Variants in LPXN observed in about 807,000 individuals in gnomAD.
LPXN encodes the protein leupaxin.
Under a neutral mutation model 45.6 loss-of-function variants are expected in LPXN, and 28 were observed. The ratio of observed to expected loss-of-function variants is 0.61; its 90% CI spans 0.45 to 0.84. The LOEUF (loss-of-function observed/expected upper bound fraction) is 0.84. Ranked by LOEUF, LPXN falls within the 40% of genes least tolerant of loss-of-function variation. The probability of loss-of-function intolerance (pLI) is 0.00; values close to 1 mark genes in which losing one functional copy is unlikely to be tolerated. For synonymous variants in LPXN, 166 were observed against 169.9 expected (o/e 0.98, Z 0.18); for missense variants, 459 against 475.0 (o/e 0.97, Z 0.31).
chr11:58,556,249 TTAATA>T (rs776200717), intron 3 of LPXN, among the ~76,000 whole-genome samples: 1 of 151,970 alleles, frequency 6.6e-6, no homozygotes, highest in Non-Finnish European at 1.5e-5. Context: ...AGGAAAAAGA[TTAATA>T]TAATTCATTA....
chr11:58,560,231 A>G lies in LPXN; in HGVS notation c.218+3924T>C, dbSNP rs79320653. Reference sequence around the variant, plus strand: ...GGAGGTGTCAGATGAGACATCAGTAATGCAATTCACCTGTATATCTCAGTT... The same window carrying G: ...GGAGGTGTCAGATGAGACATCAGTAGTGCAATTCACCTGTATATCTCAGTT... On this transcript the variant is annotated intron_variant, in intron 3 of 8. Transcript: ENST00000395074. Among the ~76,000 whole-genome samples the G allele has an allele frequency of 7.2e-5, 11 of 152,344 alleles. No homozygotes were observed. In the East Asian group the frequency reaches 1.7e-3, roughly 24 times the overall value.
intron 1 of LPXN, among the ~76,000 whole-genome samples, chr11:58,575,375 CTT>C (rs1854851923): frequency 6.6e-6 from 1 of 152,084 alleles, no homozygotes; most frequent in Admixed American, 6.5e-5. Context: ...CCTTTTTGCT[CTT>C]TCTTTTCCTC....
chr11:58,554,460 A>C (rs1854143334), intron 4 of LPXN, among the ~76,000 whole-genome samples: 1 of 152,154 alleles, frequency 6.6e-6, no homozygotes, highest in African/African-American at 2.4e-5. Flanking sequence ...TTCAGAGTCC[A>C]TCCCAAGTTT....
intron 3 of LPXN, among the ~76,000 whole-genome samples, chr11:58,559,390 G>A (rs1199317636): frequency 6.6e-6 from 1 of 151,980 alleles, no homozygotes; most frequent in Non-Finnish European, 1.5e-5. Flanking sequence ...ATATGTGCAA[G>A]GACATTTATT....
In LPXN at chr11:58,527,290, C is replaced by T. The variant is rs1565180724; in HGVS notation, c.*164G>A. On this transcript the variant is annotated 3_prime_UTR_variant, in exon 9 of 9. Coordinates refer to ENST00000395074, the MANE Select transcript of LPXN (RefSeq NM_004811.3). The stretch of plus-strand genomic sequence containing the variant: ...ATAGAAGCCTAAAAAATAAGATTAT[C>T]AGCCTAGTCATGTAAAGTCTAGAAG... 5 of 640,912 alleles carry T rather than the reference C, an allele frequency of 7.8e-6. No homozygotes were observed. Among genetic ancestry groups the T allele is most frequent in the Non-Finnish European group, 1.3e-5 (5 of 374,170 alleles). The allele number at this position is 640,912 out of a possible 1,614,324, so 39.7% of individuals were successfully genotyped here.
chr11:58,550,235 T>C (rs1565194165), intron 5 of LPXN, 89 bp from the exon 6 acceptor site: 2 of 1,201,468 alleles, frequency 1.7e-6, no homozygotes, highest in South Asian at 1.3e-5. Flanking sequence ...ACTCTTCACA[T>C]TGTACCCCTT....
chr11:58,577,875 G>C (rs1854951548), upstream of LPXN: 1 of 980,554 alleles, frequency 1.0e-6, no homozygotes, highest in Non-Finnish European at 1.4e-6. Flanking sequence ...TAGTAGAAAA[G>C]CAACTTTATA....
In LPXN at chr11:58,538,481, G is replaced by A. The variant is rs1853621430; in HGVS notation, c.743-10290C>T. 3.9e-5 allele frequency among the ~76,000 whole-genome samples: 6 copies of A among 152,118 alleles called. No homozygotes were observed. In the South Asian group the frequency reaches 1.2e-3, roughly 32 times the overall value. On this transcript the variant is annotated intron_variant, in intron 7 of 8. Transcript: ENST00000395074. Reference sequence around the variant, plus strand: ...ATTGCCATTCTAACTGGTGTGAGATGGTATCTCATTGTGGTTTTGATTTGC... The same window carrying A: ...ATTGCCATTCTAACTGGTGTGAGATAGTATCTCATTGTGGTTTTGATTTGC...
chr11:58,554,342 T>C (rs1313289926), intron 4 of LPXN, among the ~76,000 whole-genome samples: 7 of 151,682 alleles, frequency 4.6e-5, no homozygotes, highest in Non-Finnish European at 8.8e-5. Flanking sequence ...AACAAACAAA[T>C]GAAAAATCCT....
intron 3 of LPXN, among the ~76,000 whole-genome samples, chr11:58,561,209 T>C (rs1854365444): frequency 6.6e-6 from 1 of 152,174 alleles, no homozygotes; most frequent in African/African-American, 2.4e-5. Context: ...TAATATATTT[T>C]CAAAAATGAA....
At chr11:58,577,821 A>T (rs541310706), upstream of LPXN, among the ~76,000 whole-genome samples, 42 of 152,142 alleles carry the variant, frequency 2.8e-4, no homozygotes, top group Admixed American at 9.8e-4. Flanking sequence ...CACCGCATCC[A>T]AGTTAAGCAA....
chr11:58,556,456 G>A (rs1854207006), intron 3 of LPXN, among the ~76,000 whole-genome samples: 1 of 151,884 alleles, frequency 6.6e-6, no homozygotes, highest in Non-Finnish European at 1.5e-5. Context: ...GAGATAAGTT[G>A]GACATAGATC....
At chr11:58,561,280 T>C (rs1176168483) in intron 3 of LPXN, among the ~76,000 whole-genome samples, 1 of 152,228 alleles carries the variant, frequency 6.6e-6, no homozygotes, top group Non-Finnish European at 1.5e-5. Context: ...AGAAGAAAAG[T>C]TGATACTTTT....
At chr11:58,528,437 A>C (rs1331227343) in intron 7 of LPXN, among the ~76,000 whole-genome samples, 3 of 152,226 alleles carry the variant, frequency 2.0e-5, no homozygotes, top group African/African-American at 7.2e-5. Context: ...GTGCCTTTGT[A>C]CTAAGTATTC....
intron 7 of LPXN, among the ~76,000 whole-genome samples, chr11:58,529,607 CAAAA>C (rs11295701): frequency 1.2e-5 from 1 of 83,568 alleles, no homozygotes; most frequent in Non-Finnish European, 2.4e-5. Context: ...GACTCTGTCT[CAAAA>C]AAAAAAAAAA....
chr11:58,550,222 A>G, intron 5 of LPXN, 76 bp from the exon 6 acceptor site: 3 of 1,364,516 alleles, frequency 2.2e-6, no homozygotes, highest in Non-Finnish European at 3.1e-6. Context: ...AACTCTAGGG[A>G]GCACTCTTCA....
intron 7 of LPXN, among the ~76,000 whole-genome samples, chr11:58,547,723 T>C (rs1030659634): frequency 7.9e-5 from 12 of 152,196 alleles, no homozygotes; most frequent in African/African-American, 1.9e-4. Context: ...GCCTTAACTA[T>C]TACACAGACT....
At chr11:58,577,138 T>G (rs1029566699), upstream of LPXN, among the ~76,000 whole-genome samples, 13 of 150,664 alleles carry the variant, frequency 8.6e-5, no homozygotes, top group African/African-American at 2.9e-4. Context: ...TCCATTCCAC[T>G]GTCTGTACAT....
chr11:58,554,809 C>T (rs1854153567), intron 4 of LPXN, 32 bp downstream of exon 4: 1 of 1,555,404 alleles, frequency 6.4e-7, no homozygotes, highest in South Asian at 1.1e-5. Flanking sequence ...CTGCACTCAC[C>T]TTGGCCTGCA....
Sources: gnomAD v4.1 joint callset for allele counts (sites outside exome capture counted in the v4.1 genomes callset) on GRCh38, gnomAD v4.1.1 for gene constraint, MANE v1.5 for transcripts, NCBI Gene and HGNC (gene_info 2026-07-23, HGNC 2026-07-21) for gene names.